The following PLXNA2 variants were observed in gnomAD, a reference collection of about 807,000 sequenced individuals.
PLXNA2 encodes the protein plexin A2, also known as plexin-A2.
A neutral mutation model predicts 193.5 loss-of-function variants in PLXNA2; 91 were observed. That is an observed-to-expected ratio of 0.47 (90% CI 0.40 to 0.56). The LOEUF is 0.56. Ranked by LOEUF, PLXNA2 falls within the 20% of genes least tolerant of loss-of-function variation. PLXNA2 has a pLI of 0.00. For synonymous variants in PLXNA2, 997 were observed against 1,027.3 expected (o/e 0.97, Z 0.56); for missense variants, 1,995 against 2,503.2 (o/e 0.80, Z 4.33).
intron 26 of PLXNA2, among the ~76,000 whole-genome samples, chr1:208,037,335 C>T (rs955827524): frequency 1.8e-4 from 27 of 152,138 alleles, no homozygotes; most frequent in Non-Finnish European, 2.9e-4. Flanking sequence ...GGGATGGAGC[C>T]TGGAGAAGAG....
At chr1:208,178,569 C>T (rs767160909) in intron 3 of PLXNA2, among the ~76,000 whole-genome samples, 1 of 152,156 alleles carries the variant, frequency 6.6e-6, no homozygotes, top group African/African-American at 2.4e-5. Flanking sequence ...CAAGGGGTTC[C>T]TATGTGTGCG....
At chr1:208,050,677 A>G (rs561692347) in intron 17 of PLXNA2, among the ~76,000 whole-genome samples, 41 of 152,120 alleles carry the variant, frequency 2.7e-4, no homozygotes, top group Admixed American at 2.3e-3. Context: ...TAAAATAATA[A>G]TAATAATAAA....
At chr1:208,167,193 C>T (rs1669336980) in intron 3 of PLXNA2, among the ~76,000 whole-genome samples, 1 of 152,138 alleles carries the variant, frequency 6.6e-6, no homozygotes, top group African/African-American at 2.4e-5. Flanking sequence ...GAGGACTCCC[C>T]TGACTATGGC....
At chr1:208,242,825 A>G (rs1672104043) in intron 1 of PLXNA2, among the ~76,000 whole-genome samples, 1 of 152,088 alleles carries the variant, frequency 6.6e-6, no homozygotes, top group Non-Finnish European at 1.5e-5. Flanking sequence ...TATAGAGACT[A>G]CCTGTGGGAT....
intron 3 of PLXNA2, among the ~76,000 whole-genome samples, chr1:208,172,579 G>A (rs139871213): frequency 3.9e-5 from 6 of 152,236 alleles, no homozygotes; most frequent in Middle Eastern, 3.4e-3. Flanking sequence ...TTATCTCACC[G>A]CTGGAAAGCT....
chr1:208,186,780 C>T (rs959258452), intron 3 of PLXNA2, among the ~76,000 whole-genome samples: 21 of 149,136 alleles, frequency 1.4e-4, no homozygotes, highest in African/African-American at 4.8e-4. Flanking sequence ...ACTGCAGTGG[C>T]GCAATCTCGG....
chr1:208,074,854 C>T (rs576408943), intron 12 of PLXNA2, among the ~76,000 whole-genome samples: 1 of 152,224 alleles, frequency 6.6e-6, no homozygotes, highest in African/African-American at 2.4e-5. Context: ...CTATTTACTG[C>T]ACAGAGTGGC....
chr1:208,101,880 G>A (rs1667108635), intron 5 of PLXNA2, among the ~76,000 whole-genome samples: 1 of 152,186 alleles, frequency 6.6e-6, no homozygotes, highest in African/African-American at 2.4e-5. Flanking sequence ...CACAGAGCTG[G>A]CAGCAGGCTG....
chr1:208,045,980 A>G lies in PLXNA2; in HGVS notation c.3393T>C (p.Ile1131=). The part of the protein sequence containing the change: ...FVFNNVQSLL[I]YNDTKFIYYP... ...AGTAGATAAACTTGGTGTCGTTGTA[A>G]ATTAGCAAGGATTGGACATTGTTAA... is the stretch of plus-strand genomic sequence containing the variant. The change falls in exon 18 of 32, where the codon ATT becomes ATC. Residue 1131 remains isoleucine (I), a synonymous_variant. Transcript: ENST00000367033. 1 of 1,614,258 alleles carries G rather than the reference A, an allele frequency of 6.2e-7. No individual in the cohort carries two copies. Among genetic ancestry groups the G allele is most frequent in the South Asian group, 1.1e-5 (1 of 91,090 alleles).
At position 208,044,654 on chromosome 1, in the gene PLXNA2, G is replaced by A. The variant is rs375995867; in HGVS notation, c.3728C>T (p.Ala1243Val). 1.3e-5 allele frequency: 21 copies of A among 1,613,986 alleles called. No individual in the cohort carries two copies. The highest frequency in any genetic ancestry group is 5.3e-5 in the African/African-American group (4 of 74,918). Reference protein sequence around the residue: ...LLTLPAIVSIAAGGSLLLIIV... With the variant: ...LLTLPAIVSIVAGGSLLLIIV... ...GATGAGGAGGAGGCTGCCGCCGGCCGCGATGCTGACGATGGCTGGCAGGGT... is the reference window on the plus strand; with the variant it reads ...GATGAGGAGGAGGCTGCCGCCGGCCACGATGCTGACGATGGCTGGCAGGGT... The change falls in exon 20 of 32, where the codon GCG becomes GTG. Residue 1243 changes from alanine (A) to valine (V), a missense_variant. Physicochemically the swap from Ala to Val is moderately conservative, Grantham distance 64. This residue lies in a region of PLXNA2 where 1,291 missense variants were observed against 1,673.6 expected (regional missense o/e 0.77). Transcript: ENST00000367033. This position sits in a 1 kb window ranked among gnomAD's most constrained non-coding sequence, Gnocchi z 4.9.
intron 31 of PLXNA2, 115 bp downstream of exon 31, chr1:208,027,894 T>C: frequency 1.0e-6 from 1 of 958,114 alleles, no homozygotes; most frequent in Non-Finnish European, 1.5e-6. Flanking sequence ...ATTTTCGAGC[T>C]CATGGGCTTC....
At chr1:208,115,615 T>C (rs1667612515) in intron 4 of PLXNA2, among the ~76,000 whole-genome samples, 1 of 152,204 alleles carries the variant, frequency 6.6e-6, no homozygotes, top group Admixed American at 6.5e-5. Flanking sequence ...TGCTGATAGC[T>C]GATAGTTATT....
chr1:208,057,975 G>A (rs1441089715), intron 13 of PLXNA2, among the ~76,000 whole-genome samples: 1 of 152,208 alleles, frequency 6.6e-6, no homozygotes, highest in Non-Finnish European at 1.5e-5. Flanking sequence ...GGAGCAAAGT[G>A]ACTTGCTCAA....
At chr1:208,074,074 T>G (rs562278927) in intron 12 of PLXNA2, among the ~76,000 whole-genome samples, 1 of 152,328 alleles carries the variant, frequency 6.6e-6, no homozygotes, top group South Asian at 2.1e-4. Flanking sequence ...GAAGAAGACC[T>G]CTGTTATGTG....
intron 27 of PLXNA2, among the ~76,000 whole-genome samples, chr1:208,033,749 T>A (rs1664583328): frequency 6.6e-6 from 1 of 152,290 alleles, no homozygotes; most frequent in Non-Finnish European, 1.5e-5. Flanking sequence ...ATTAGAGACA[T>A]CCTTGGGAAT....
chr1:208,058,969 T>A (rs756032999), intron 13 of PLXNA2, among the ~76,000 whole-genome samples: 1 of 152,176 alleles, frequency 6.6e-6, no homozygotes, highest in Non-Finnish European at 1.5e-5. Context: ...GAGGGCCAGT[T>A]GCCCAGGAAT....
At chr1:208,232,290 C>A (rs1260828315) in intron 1 of PLXNA2, among the ~76,000 whole-genome samples, 1 of 152,218 alleles carries the variant, frequency 6.6e-6, no homozygotes, top group Non-Finnish European at 1.5e-5. Flanking sequence ...CTGCCAGCAA[C>A]CCCTCTGAAG....
At chr1:208,227,093 T>C (rs1019971047) in intron 1 of PLXNA2, among the ~76,000 whole-genome samples, 63 of 152,284 alleles carry the variant, frequency 4.1e-4, no homozygotes, top group African/African-American at 1.4e-3. Flanking sequence ...AAAGGAATTC[T>C]CAGGCTCCTT....
intron 3 of PLXNA2, among the ~76,000 whole-genome samples, chr1:208,197,753 G>A (rs993516133): frequency 6.6e-6 from 1 of 152,158 alleles, no homozygotes; most frequent in South Asian, 2.1e-4. Context: ...TCCTGGCTAC[G>A]AGCTGTCTGA....
Sources: gnomAD v4.1 joint callset for allele counts (sites outside exome capture counted in the v4.1 genomes callset) on GRCh38, gnomAD v4.1.1 for gene constraint, gnomAD v4.1.1 regional missense constraint, Gnocchi (gnomAD v3.1) non-coding constraint, MANE v1.5 for transcripts, NCBI Gene and HGNC (gene_info 2026-07-23, HGNC 2026-07-21) for gene names.